ADCY9: variants seen among roughly 807,000 people sequenced by gnomAD.
The protein encoded by ADCY9 is adenylate cyclase type 9.
Under a neutral mutation model 101.5 loss-of-function variants are expected in ADCY9, and 50 were observed. The ratio of observed to expected loss-of-function variants is 0.49; its 90% CI spans 0.39 to 0.62. The LOEUF (loss-of-function observed/expected upper bound fraction) is 0.62. Ranked by LOEUF, ADCY9 falls within the 20% of genes least tolerant of loss-of-function variation. The pLI is 0.00. For missense variants in ADCY9, 1,662 were observed against 1,800.4 expected, an observed-to-expected ratio of 0.92 and a Z score of 1.39; for synonymous variants, 905 against 769.3, an observed-to-expected ratio of 1.18 and a Z score of -2.92.
chr16:4,072,770 T>C (rs904550678), intron 2 of ADCY9, among the ~76,000 whole-genome samples: 1 of 152,062 alleles, frequency 6.6e-6, no homozygotes, highest in African/African-American at 2.4e-5. Context: ...AACAACATCA[T>C]GTCCAAATTG....
chr16:4,114,522 C>G lies in ADCY9; in HGVS notation c.921G>C (p.Arg307Ser). 1 of 1,614,180 alleles carries G rather than the reference C, an allele frequency of 6.2e-7. No homozygotes were observed. Among genetic ancestry groups the G allele is most frequent in the Non-Finnish European group, 8.5e-7 (1 of 1,180,034 alleles). The part of the protein sequence containing the change: ...HLFVMSQVRS[R>S]STFLKVGQSI... ...ATTGCCCCACCTTGAGGAAGGTGCT[C>G]CTGGACCTCACCTGGGACATGACGA... The change falls in exon 2 of 11, where the codon AGG (arginine) becomes AGC (serine). Residue 307 changes from arginine to serine, a missense_variant. By Grantham distance (110) the Arg-to-Ser change is moderately radical. Coordinates refer to ENST00000294016, the MANE Select transcript of ADCY9 (RefSeq NM_001116.4). This position sits in a 1 kb window ranked among gnomAD's most constrained non-coding sequence, Gnocchi z 4.3.
chr16:4,028,655 C>T (rs967105687), intron 2 of ADCY9, among the ~76,000 whole-genome samples: 1 of 152,154 alleles, frequency 6.6e-6, no homozygotes, highest in African/African-American at 2.4e-5. Context: ...GTTCTAAAAC[C>T]AGATGATACC....
chr16:4,056,065 C>G (rs371011197), intron 2 of ADCY9, among the ~76,000 whole-genome samples: 1 of 152,106 alleles, frequency 6.6e-6, no homozygotes, highest in Non-Finnish European at 1.5e-5. Flanking sequence ...AGCTCCCAGC[C>G]GGTGTTGTGC....
intron 3 of ADCY9, among the ~76,000 whole-genome samples, chr16:4,006,200 C>A (rs2056366233): frequency 6.6e-6 from 1 of 152,148 alleles, no homozygotes; most frequent in Non-Finnish European, 1.5e-5. Context: ...GGTGGGTATG[C>A]TGCCATCTGG....
intron 2 of ADCY9, among the ~76,000 whole-genome samples, chr16:4,098,793 T>A (rs547862177): frequency 1.1e-4 from 17 of 152,222 alleles, no homozygotes; most frequent in African/African-American, 4.1e-4. Flanking sequence ...TACTAAGGGA[T>A]TTCCTAGAGT....
intron 5 of ADCY9, among the ~76,000 whole-genome samples, chr16:3,990,517 G>GC (rs562921082): frequency 1.3e-5 from 2 of 151,090 alleles, no homozygotes; most frequent in African/African-American, 2.4e-5. Flanking sequence ...TGCCTCATGT[G>GC]CCCCCCACAC....
intron 2 of ADCY9, among the ~76,000 whole-genome samples, chr16:4,072,429 T>C (rs1243354581): frequency 6.6e-6 from 1 of 152,122 alleles, no homozygotes; most frequent in Non-Finnish European, 1.5e-5. Context: ...GATGTTATTG[T>C]ACTCACACTG....
chr16:4,114,091 C>A lies in ADCY9; in HGVS notation c.1352G>T (p.Cys451Phe), dbSNP rs1166720360. The change falls in exon 2 of 11, where the codon TGT (cysteine) becomes TTT (phenylalanine). Residue 451 changes from cysteine to phenylalanine, a missense_variant. This residue lies in a region of ADCY9 where 228 missense variants were observed against 301.1 expected (regional missense o/e 0.76). Coordinates refer to ENST00000294016, the MANE Select transcript of ADCY9 (RefSeq NM_001116.4). The surrounding 1 kb of genome is among the most constrained non-coding windows in gnomAD (Gnocchi z 4.3). ...LGDCYYCVAG[C>F]PEPRADHAYC... ...GGCATGGTCGGCCCGGGGCTCGGGA[C>A]AGCCCGCCACGCAGTAGTAACAGTC... 2.5e-6 allele frequency: 4 copies of A among 1,613,846 alleles called. No homozygotes were observed. In the South Asian group the frequency reaches 3.3e-5, roughly 13 times the overall value.
chr16:4,024,721 C>T (rs553256991), intron 2 of ADCY9, among the ~76,000 whole-genome samples: 7 of 152,042 alleles, frequency 4.6e-5, no homozygotes, highest in Non-Finnish European at 7.4e-5. Flanking sequence ...TAGGCAGAAC[C>T]GACAGGATGT....
In ADCY9 at chr16:3,964,454, A is replaced by T. The variant is rs929351791; in HGVS notation, c.*1321T>A. The T allele has an allele frequency of 6.6e-6, 1 of 152,306 alleles. No individual in the cohort carries two copies. The highest frequency in any genetic ancestry group is 2.4e-5 in the African/African-American group (1 of 41,464). The allele number at this position is 152,306 out of a possible 1,614,324, so 9.4% of individuals were successfully genotyped here. ...CATCCAGATGCCTCTGTCCCTAGAT[A>T]CGGTGTGAGAACTCCATTTCAGAGC... On this transcript the variant is annotated 3_prime_UTR_variant, in exon 11 of 11. Coordinates refer to ENST00000294016, the MANE Select transcript of ADCY9 (RefSeq NM_001116.4).
Position 4,068,830 on chromosome 16 carries a change from AAC to A in ADCY9, c.1693+44918_1693+44919del, listed in dbSNP as rs1207962459. Among the ~76,000 whole-genome samples, 12 of 152,036 alleles carry A rather than the reference AAC, an allele frequency of 7.9e-5. 1 individual carries two copies. The highest frequency in any genetic ancestry group is 2.6e-4 in the Admixed American group (4 of 15,244). ...AGACTCCATCTCAAAAAAAAAAAAA[AAC>A]AATTCACGGTGGCTCTTTTGCACAT... On this transcript the variant is annotated intron_variant, in intron 2 of 10. Coordinates refer to ENST00000294016, the MANE Select transcript of ADCY9 (RefSeq NM_001116.4).
intron 2 of ADCY9, among the ~76,000 whole-genome samples, chr16:4,033,207 C>T (rs1186200156): frequency 6.6e-6 from 1 of 152,150 alleles, no homozygotes; most frequent in African/African-American, 2.4e-5. Context: ...TTAAAACTCT[C>T]ATAAGTTTTG....
chr16:4,090,300 AT>A (rs1458952473), intron 2 of ADCY9, among the ~76,000 whole-genome samples: 5 of 151,936 alleles, frequency 3.3e-5, no homozygotes, highest in East Asian at 1.9e-4. Context: ...GGATGAACAG[AT>A]TTTTTTTCTA....
chr16:4,094,833 T>A (rs1476545112), intron 2 of ADCY9, among the ~76,000 whole-genome samples: 1 of 151,852 alleles, frequency 6.6e-6, no homozygotes, highest in Non-Finnish European at 1.5e-5. Context: ...ACTCAGGAGA[T>A]CCAGAAGAGA....
intron 2 of ADCY9, among the ~76,000 whole-genome samples, chr16:4,010,198 C>A (rs536362308): frequency 6.6e-6 from 1 of 152,212 alleles, no homozygotes; most frequent in African/African-American, 2.4e-5. Context: ...TGGGCTGCCT[C>A]TGAAACCCAG....
At chr16:3,983,466 ATGAC>A in intron 6 of ADCY9, 26 bp from the exon 7 acceptor site, 1 of 1,578,292 alleles carries the variant, frequency 6.3e-7, no homozygotes, top group Non-Finnish European at 8.6e-7. Context: ...GTGGAGCAGA[ATGAC>A]TGGGAGGCCA....
At chr16:4,015,096 T>C (rs2056429621) in intron 2 of ADCY9, among the ~76,000 whole-genome samples, 1 of 151,830 alleles carries the variant, frequency 6.6e-6, no homozygotes, top group South Asian at 2.1e-4. Context: ...CCCACCACTA[T>C]GCCTGGCTAA....
intron 2 of ADCY9, among the ~76,000 whole-genome samples, chr16:4,073,419 A>C (rs2532022): frequency 2.0e-5 from 3 of 149,986 alleles, no homozygotes; most frequent in Non-Finnish European, 3.0e-5. Flanking sequence ...TTTTGAGACA[A>C]AAGTCTCACT....
chr16:4,084,259 C>T (rs1206828531), intron 2 of ADCY9, among the ~76,000 whole-genome samples: 1 of 151,428 alleles, frequency 6.6e-6, no homozygotes, highest in South Asian at 2.1e-4. Flanking sequence ...TTACAGGCAC[C>T]CACCACCACG....
Sources: allele counts gnomAD v4.1 joint callset (sites outside exome capture counted in the v4.1 genomes callset), GRCh38; gene constraint gnomAD v4.1.1; regional missense constraint gnomAD v4.1.1; non-coding constraint Gnocchi (gnomAD v3.1); transcripts MANE v1.5; gene names NCBI Gene and HGNC (gene_info 2026-07-23, HGNC 2026-07-21).